MUC3A: variants seen among roughly 807,000 people sequenced by gnomAD.
MUC3A encodes the protein mucin 3A, cell surface associated, also known as mucin-3A.
In MUC3A, 109 loss-of-function variants were observed where a neutral mutation model predicts 109.0. The ratio of observed to expected loss-of-function variants is 1.00; its 90% CI spans 0.86 to 1.17. MUC3A has a LOEUF of 1.17. Ranked by LOEUF, MUC3A falls within the 50% of genes most tolerant of loss-of-function variation. The pLI, the probability that MUC3A is intolerant of heterozygous loss-of-function variation, is 0.00. For synonymous variants in MUC3A, 1,398 were observed against 981.4 expected (o/e 1.42, Z -7.93); for missense variants, 3,537 against 2,469.4 (o/e 1.43, Z -9.16).
At position 100,958,640 on chromosome 7, in the gene MUC3A, T is replaced by A; in HGVS notation, c.6861T>A (p.Thr2287=). Reference sequence around the variant, plus strand: ...CCAGTGAGACCCCCTCACACAGTACTCCCAGCTCCACTTCTTTAATCACCA... The same window carrying A: ...CCAGTGAGACCCCCTCACACAGTACACCCAGCTCCACTTCTTTAATCACCA... ...ITTSETPSHS[T]PSSTSLITTT... Residue 2287 remains threonine (T), a synonymous_variant, in exon 2 of 12, where the codon ACT becomes ACA. Transcript: ENST00000379458. 6.5e-7 allele frequency: 1 copy of A among 1,548,184 alleles called. No individual in the cohort carries two copies. The highest frequency in any genetic ancestry group is 1.1e-5 in the South Asian group (1 of 89,618).
chr7:100,957,720 AC>A lies in MUC3A; in HGVS notation c.5943del (p.Thr1982ProfsTer14). 1 of 156,434 alleles carries A rather than the reference AC, an allele frequency of 6.4e-6. No individual in the cohort carries two copies. Among genetic ancestry groups the A allele is most frequent in the Non-Finnish European group, 8.7e-6 (1 of 115,292 alleles). 9.7% of individuals were successfully genotyped at this position (156,434 alleles called of 1,614,324 possible). A position where few individuals can be genotyped will look rare whatever the true frequency, so the allele number is the denominator to read the frequency against. On this transcript the variant is annotated frameshift_variant, in exon 2 of 12. Transcript: ENST00000379458. LOFTEE classifies it high-confidence loss of function. ...TCCCAGCCTCACTTCTTCAATCACC[AC>A]CACCAAGACCACCTCACACAGTACT... Reference protein sequence around the residue: ...NTPSLTSSITTTKTTSHSTPS... With the variant: ...NTPSLTSSITXTKTTSHSTPS...
At chr7:100,966,237 G>GGGTGGCGACCCGTCCGCTTGTTCTAC in intron 8 of MUC3A, 149 bp from the exon 9 acceptor site, 1 of 663,564 alleles carries the variant, frequency 1.5e-6, no homozygotes, top group Non-Finnish European at 2.1e-6. Context: ...CCTCGTTCTA[G>GGGTGGCGACCCGTCCGCTTGTTCTAC]GGTGGATTCC....
rs756555505 is a variant in MUC3A at position 100,949,672 on chromosome 7, C to T, written c.48C>T (p.Ser16=). The change falls in exon 1 of 12, where the codon TCC becomes TCT. Residue 16 remains serine, a synonymous_variant. Transcript: ENST00000379458. ...GCCTCCTCTGGATGCTCAAGGCCTC[C>T]CCGTGGGCCACAGGTAAGGGGGAGA... ...LLGLLWMLKA[S]PWATGTLSTA... is the part of the protein sequence containing the mutation. The T allele has an allele frequency of 6.4e-7, 1 of 1,552,730 alleles. No individual in the cohort carries two copies. The highest frequency in any genetic ancestry group is 8.6e-7 in the Non-Finnish European group (1 of 1,156,772).
Position 100,967,359 on chromosome 7 carries a change from T to C in MUC3A, c.*197T>C, listed in dbSNP as rs1232837561. 1.3e-6 allele frequency: 1 copy of C among 799,366 alleles called. No individual in the cohort carries two copies. The highest frequency in any genetic ancestry group is 1.9e-6 in the Non-Finnish European group (1 of 513,944). 49.5% of individuals were successfully genotyped at this position (799,366 alleles called of 1,614,324 possible). On this transcript the variant is annotated 3_prime_UTR_variant, in exon 12 of 12. Coordinates refer to ENST00000379458, the MANE Select transcript of MUC3A (RefSeq NM_005960.2). ...AACCCACCTGGAGACGCAGTTCACG[T>C]CCAGGCTCTTCCACTGTGGAATCTT...
At position 100,955,410 on chromosome 7, in the gene MUC3A, AC is replaced by A; in HGVS notation, c.3633del (p.Gly1212ValfsTer3). ...TATCACCTACCCTTCTGTGGGCTCT[AC>A]CGGTTTCCTGACTACAGCAACAGAC... ...TTITYPSVGS[T>X]GFLTTATDLT... On this transcript the variant is annotated frameshift_variant, in exon 2 of 12. Transcript: ENST00000379458. LOFTEE classifies it high-confidence loss of function. The A allele has an allele frequency of 1.6e-6, 1 of 615,538 alleles. No homozygotes were observed. Among genetic ancestry groups the A allele is most frequent in the South Asian group, 2.0e-5 (1 of 50,784 alleles). The allele number at this position is 615,538 out of a possible 1,614,324, so 38.1% of individuals were successfully genotyped here. A position where few individuals can be genotyped will look rare whatever the true frequency, so the allele number is the denominator to read the frequency against.
Position 100,966,349 on chromosome 7 carries a change from G to A in MUC3A, c.9612-37G>A, listed in dbSNP as rs587729812. The A allele has an allele frequency of 3.9e-5, 50 of 1,293,842 alleles. No individual in the cohort carries two copies. In the African/African-American group the frequency reaches 5.6e-4, roughly 15 times the overall value. The allele number at this position is 1,293,842 out of a possible 1,614,324, so 80.1% of individuals were successfully genotyped here. ...AGGTGCACGGGTGGACCCCGAGCCC[G>A]GAGGTGAAGAGGGTCTGACCCTGCG... On this transcript the variant is annotated intron_variant, in intron 8 of 11. Coordinates refer to ENST00000379458, the MANE Select transcript of MUC3A (RefSeq NM_005960.2).
chr7:100,965,979 G>T (rs772096651), intron 8 of MUC3A, 113 bp downstream of exon 8: 4 of 1,433,598 alleles, frequency 2.8e-6, no homozygotes, highest in Non-Finnish European at 3.7e-6. Context: ...GTGGAGCCTC[G>T]TCCCCAGAGT....
At chr7:100,962,604 C>T (rs1250750720) in intron 3 of MUC3A, among the ~76,000 whole-genome samples, 6 of 152,304 alleles carry the variant, frequency 3.9e-5, no homozygotes, top group African/African-American at 1.4e-4. Flanking sequence ...CTCATCTCCA[C>T]ACAATTCCTT....
rs997598378 is a variant in MUC3A at position 100,957,573 on chromosome 7, G to A, written c.5794G>A (p.Glu1932Lys). 150 of 1,237,878 alleles carry A rather than the reference G, an allele frequency of 1.2e-4. 1 individual carries two copies. Among genetic ancestry groups the A allele is most frequent in the Middle Eastern group, 8.1e-4 (4 of 4,940 alleles). 76.7% of individuals were successfully genotyped at this position (1,237,878 alleles called of 1,614,324 possible). The change falls in exon 2 of 12, where the codon GAG becomes AAG. Residue 1932 changes from glutamate to lysine, a missense_variant. Physicochemically the swap from Glu to Lys is moderately conservative, Grantham distance 56. Coordinates refer to ENST00000379458, the MANE Select transcript of MUC3A (RefSeq NM_005960.2). ...ATTCACTTCTTCAATCACCACTACC[G>A]AGACCCCCTCACACAGTACTCCCAG... ...PRFTSSITTT[E>K]TPSHSTPRFT... is the part of the protein sequence containing the mutation.
rs867943392 is a variant in MUC3A, at chr7:100,968,156, T to A, written c.*994T>A. 3,032 of 133,248 alleles carry A rather than the reference T, an allele frequency of 0.023. No homozygotes were observed. Among genetic ancestry groups the A allele is most frequent in the African/African-American group, 0.083 (2,886 of 34,654 alleles). The allele number at this position is 133,248 out of a possible 1,614,324, so 8.3% of individuals were successfully genotyped here. ...GATCCCCCTCCCTTCTTGCCTCCCC[T>A]CTGCCTTTTAAACCCATCCCCTCCG... On this transcript the variant is annotated 3_prime_UTR_variant, in exon 12 of 12. Transcript: ENST00000379458.
Position 100,966,477 on chromosome 7 carries a change from G to C in MUC3A, c.9703G>C (p.Ala3235Pro). ...GCTGGTCGGGGGCCTGACGGCCGGC[G>C]CCGCGCTGCTGGTGCTGCTGCTGCT... The part of the protein sequence containing the change: ...RALVGGLTAG[A>P]ALLVLLLLAL... Residue 3235 changes from alanine to proline, a missense_variant, in exon 9 of 12, where the codon GCC (alanine) becomes CCC (proline). Physicochemically the swap from Ala to Pro is conservative, Grantham distance 27. Coordinates refer to ENST00000379458, the MANE Select transcript of MUC3A (RefSeq NM_005960.2). 1 of 1,326,160 alleles carries C rather than the reference G, an allele frequency of 7.5e-7. No homozygotes were observed. The allele number at this position is 1,326,160 out of a possible 1,614,324, so 82.1% of individuals were successfully genotyped here. A position where few individuals can be genotyped will look rare whatever the true frequency, so the allele number is the denominator to read the frequency against.
rs1377428337 is a variant in MUC3A, at chr7:100,955,736, A to G, written c.3957A>G (p.Glu1319=). The G allele has an allele frequency of 1.2e-5, 5 of 416,788 alleles. No homozygotes were observed. The highest frequency in any genetic ancestry group is 1.0e-4 in the African/African-American group (5 of 48,646). The allele number at this position is 416,788 out of a possible 1,614,324, so 25.8% of individuals were successfully genotyped here. ...ASTNTIHTTA[E]SALAPTTTTS... ...CCAATACAATCCACACAACAGCTGA[A>G]TCCGCCCTGGCACCCACTACCACCA... Residue 1319 remains glutamate (E), a synonymous_variant, in exon 2 of 12, where the codon GAA becomes GAG. Transcript: ENST00000379458.
In MUC3A at chr7:100,964,686, AC is replaced by A. The variant is rs1563074638; in HGVS notation, c.9234-5del. On this transcript the variant is annotated splice_region_variant and splice_polypyrimidine_tract_variant and intron_variant, in intron 5 of 11. Transcript: ENST00000379458. ...GCTGGGGCACTCTCTAAGGCTGTGG[AC>A]CCCTCAGGAATGGCAGCATCGTGGT... is the stretch of plus-strand genomic sequence containing the variant. The A allele has an allele frequency of 6.3e-7, 1 of 1,597,496 alleles. No individual in the cohort carries two copies. Among genetic ancestry groups the A allele is most frequent in the Admixed American group, 1.7e-5 (1 of 59,978 alleles).
intron 6 of MUC3A, 128 bp from the exon 7 acceptor site, chr7:100,965,154 G>A: frequency 2.2e-6 from 3 of 1,385,012 alleles, no homozygotes; most frequent in Non-Finnish European, 3.0e-6. Context: ...CCGTCTGGGA[G>A]AGGGCTCTCC....
chr7:100,959,692 C>T lies in MUC3A; in HGVS notation c.7913C>T (p.Thr2638Ile), dbSNP rs561640605. ...QVPIPSTHSS[T>I]LQTTPSTPSL... ...CCTATTCCTAGCACACATTCCTCCA[C>T]CCTTCAAACAACTCCTTCTACTCCC... Residue 2638 changes from threonine to isoleucine, a missense_variant, in exon 2 of 12, where the codon ACC becomes ATC. Thr to Ile is a moderately conservative substitution (Grantham distance 89, BLOSUM62 -1). Coordinates refer to ENST00000379458, the MANE Select transcript of MUC3A (RefSeq NM_005960.2). The T allele has an allele frequency of 1.3e-6, 2 of 1,598,534 alleles. No homozygotes were observed. The highest frequency in any genetic ancestry group is 2.2e-5 in the South Asian group (2 of 91,090).
chr7:100,966,345 G>A, intron 8 of MUC3A, 41 bp from the exon 9 acceptor site: 1 of 1,285,046 alleles, frequency 7.8e-7, no homozygotes, highest in Non-Finnish European at 9.8e-7. Flanking sequence ...TGGACCCCGA[G>A]CCCGGAGGTG....
In MUC3A at chr7:100,959,717, CT is replaced by C; in HGVS notation, c.7939del (p.Ser2647HisfsTer28). ...STLQTTPSTPSLQTSLTSTSE... is the reference protein window; with the variant it reads ...STLQTTPSTPXLQTSLTSTSE... The stretch of plus-strand genomic sequence containing the variant: ...CCCTTCAAACAACTCCTTCTACTCC[CT>C]CATTGCAAACTTCACTCACATCTAC... On this transcript the variant is annotated frameshift_variant, in exon 2 of 12. Coordinates refer to ENST00000379458, the MANE Select transcript of MUC3A (RefSeq NM_005960.2). LOFTEE classifies it high-confidence loss of function. 1 of 1,598,536 alleles carries C rather than the reference CT, an allele frequency of 6.3e-7. No homozygotes were observed. Among genetic ancestry groups the C allele is most frequent in the Non-Finnish European group, 8.5e-7 (1 of 1,179,816 alleles).
chr7:100,966,309 GC>G (rs1393599262), intron 8 of MUC3A, 76 bp from the exon 9 acceptor site: 1 of 1,157,458 alleles, frequency 8.6e-7, no homozygotes, highest in Non-Finnish European at 1.0e-6. Flanking sequence ...CCCCTCACCC[GC>G]CCCCGCGGGG....
In MUC3A at chr7:100,963,769, G is replaced by C; in HGVS notation, c.9233+17G>C. The stretch of plus-strand genomic sequence containing the variant: ...GTCCCTGAGGTAGGAGACCCATCTG[G>C]GGATGCGGAGGCGGTGTTGGGTGGG... On this transcript the variant is annotated intron_variant, in intron 5 of 11. Coordinates refer to ENST00000379458, the MANE Select transcript of MUC3A (RefSeq NM_005960.2). 3 of 1,598,560 alleles carry C rather than the reference G, an allele frequency of 1.9e-6. No individual in the cohort carries two copies. Among genetic ancestry groups the C allele is most frequent in the Non-Finnish European group, 2.5e-6 (3 of 1,179,812 alleles).
Sources: gnomAD v4.1 joint callset for allele counts (sites outside exome capture counted in the v4.1 genomes callset) on GRCh38, gnomAD v4.1.1 for gene constraint, MANE v1.5 for transcripts, NCBI Gene and HGNC (gene_info 2026-07-23, HGNC 2026-07-21) for gene names.